Variants in RIMS2 observed in about 807,000 individuals in gnomAD.
RIMS2 encodes regulating synaptic membrane exocytosis 2.
Under a neutral mutation model 174.4 loss-of-function variants are expected in RIMS2, and 59 were observed. The observed-to-expected ratio is 0.34, with a 90% CI of 0.27 to 0.42. The LOEUF (loss-of-function observed/expected upper bound fraction) is 0.42, where lower values mean the gene tolerates loss of function less well. Among genes scored for constraint, RIMS2 ranks in the 10% least tolerant of loss-of-function variants. The probability of loss-of-function intolerance (pLI) is 1.00; values close to 1 mark genes in which losing one functional copy is unlikely to be tolerated. For missense variants in RIMS2, 1,620 were observed against 1,666.3 expected, an observed-to-expected ratio of 0.97 and a Z score of 0.48; for synonymous variants, 606 against 572.5, an observed-to-expected ratio of 1.06 and a Z score of -0.84.
intron 2 of RIMS2, among the ~76,000 whole-genome samples, chr8:103,712,868 C>G (rs903996459): frequency 1.3e-5 from 2 of 152,092 alleles, no homozygotes; most frequent in African/African-American, 4.8e-5. Flanking sequence ...TAATTTCAAA[C>G]ATAAGCAAAA....
chr8:104,056,403 TAA>T (rs34404639), intron 19 of RIMS2, among the ~76,000 whole-genome samples: 3 of 144,894 alleles, frequency 2.1e-5, no homozygotes, highest in African/African-American at 5.1e-5. Flanking sequence ...GACTCCATCT[TAA>T]AAAAAAAAAA....
At chr8:103,877,352 G>A (rs769279690) in intron 3 of RIMS2, among the ~76,000 whole-genome samples, 4 of 151,540 alleles carry the variant, frequency 2.6e-5, no homozygotes, top group Non-Finnish European at 5.9e-5. Context: ...ATCTTCTTTT[G>A]AGAATTGTCT....
At chr8:103,714,324 C>A (rs1056641028) in intron 2 of RIMS2, among the ~76,000 whole-genome samples, 38 of 152,244 alleles carry the variant, frequency 2.5e-4, no homozygotes, top group Admixed American at 3.9e-4. Context: ...ACAATCTAAA[C>A]TTGTGGATGA....
intron 2 of RIMS2, among the ~76,000 whole-genome samples, chr8:103,702,852 G>GTTTTTTTTTTT (rs59947900): frequency 2.6e-5 from 3 of 117,264 alleles, no homozygotes; most frequent in Non-Finnish European, 3.5e-5. Context: ...TCCTCCAGCT[G>GTTTTTTTTTTT]TTTTTTTTTT....
At chr8:103,975,786 C>T in intron 16 of RIMS2, 1 of 235,720 alleles carries the variant, frequency 4.2e-6, no homozygotes, top group Non-Finnish European at 8.1e-6. Context: ...TGAGAGCCAC[C>T]AGCAAGCCAC....
At chr8:103,643,171 T>C (rs1427498562) in intron 1 of RIMS2, among the ~76,000 whole-genome samples, 1 of 152,042 alleles carries the variant, frequency 6.6e-6, no homozygotes, top group Non-Finnish European at 1.5e-5. Context: ...ATTGTTTTTT[T>C]GGCCAAGTCT....
chr8:103,534,211 A>C (rs765063225), intron 1 of RIMS2, among the ~76,000 whole-genome samples: 36 of 152,356 alleles, frequency 2.4e-4, no homozygotes, highest in Non-Finnish European at 8.8e-5. Flanking sequence ...TTCAATGACA[A>C]TGTTTATCAC....
chr8:103,591,633 G>T (rs981929451), intron 1 of RIMS2, among the ~76,000 whole-genome samples: 1 of 150,964 alleles, frequency 6.6e-6, no homozygotes, highest in African/African-American at 2.4e-5. Flanking sequence ...TTTTCCATAT[G>T]GATATCCAGT....
intron 19 of RIMS2, among the ~76,000 whole-genome samples, chr8:104,103,324 T>G (rs2097947191): frequency 6.6e-6 from 1 of 152,140 alleles, no homozygotes; most frequent in South Asian, 2.1e-4. Flanking sequence ...GTCACACAAC[T>G]TTGTGAATGT....
chr8:104,105,218 T>C (rs1467079853), intron 19 of RIMS2, among the ~76,000 whole-genome samples: 1 of 152,152 alleles, frequency 6.6e-6, no homozygotes, highest in Admixed American at 6.5e-5. Context: ...GGCAGAGGTA[T>C]AAGTTAGCAT....
intron 3 of RIMS2, among the ~76,000 whole-genome samples, chr8:103,791,850 C>G (rs2098502161): frequency 6.6e-6 from 1 of 152,152 alleles, no homozygotes; most frequent in Non-Finnish European, 1.5e-5. Context: ...GTAAAGGGAT[C>G]AATTCAACAA....
At chr8:104,161,517 AC>A in intron 19 of RIMS2, among the ~76,000 whole-genome samples, 1 of 152,296 alleles carries the variant, frequency 6.6e-6, no homozygotes, top group Non-Finnish European at 1.5e-5. Flanking sequence ...AGTCATGACA[AC>A]GTAAATTAGA....
chr8:104,207,304 G>T (rs1033420965), intron 19 of RIMS2, among the ~76,000 whole-genome samples: 4 of 152,064 alleles, frequency 2.6e-5, no homozygotes, highest in Non-Finnish European at 5.9e-5. Flanking sequence ...TATTAGAGTG[G>T]ACATGAGAGG....
chr8:104,106,686 A>G (rs2098074333), intron 19 of RIMS2, among the ~76,000 whole-genome samples: 1 of 145,916 alleles, frequency 6.9e-6, no homozygotes, highest in Non-Finnish European at 1.5e-5. Flanking sequence ...ATTACAGTAG[A>G]AAAAAATGCT....
intron 1 of RIMS2, among the ~76,000 whole-genome samples, chr8:103,610,180 T>A (rs2095317370): frequency 6.6e-6 from 1 of 152,146 alleles, no homozygotes; most frequent in Non-Finnish European, 1.5e-5. Context: ...TACATTGATT[T>A]TGTATTCTGA....
chr8:104,207,864 A>G (rs1233430566), intron 19 of RIMS2, among the ~76,000 whole-genome samples: 1 of 149,978 alleles, frequency 6.7e-6, no homozygotes, highest in East Asian at 1.9e-4. Context: ...ATTTGTGAAT[A>G]ATATTCGGTA....
intron 1 of RIMS2, among the ~76,000 whole-genome samples, chr8:103,641,146 T>C (rs376554247): frequency 9.0e-4 from 137 of 152,280 alleles, no homozygotes; most frequent in African/African-American, 3.2e-3. Flanking sequence ...GTTGGCTTTG[T>C]TTGAAATTAA....
At chr8:103,972,064 T>C (rs1052108197) in intron 15 of RIMS2, among the ~76,000 whole-genome samples, 22 of 152,190 alleles carry the variant, frequency 1.4e-4, no homozygotes, top group African/African-American at 5.3e-4. Context: ...TAAAGTCCCA[T>C]GGCTTTAAAT....
chr8:103,532,247 A>G (rs1351379534), intron 1 of RIMS2, among the ~76,000 whole-genome samples: 1 of 152,134 alleles, frequency 6.6e-6, no homozygotes, highest in East Asian at 1.9e-4. Context: ...TAGCTCTGAG[A>G]TGTGGTCCCA....
Sources: allele counts gnomAD v4.1 joint callset (sites outside exome capture counted in the v4.1 genomes callset), GRCh38; gene constraint gnomAD v4.1.1; transcripts MANE v1.5; gene names NCBI Gene and HGNC (gene_info 2026-07-23, HGNC 2026-07-21).